The following MAPK14 variants were observed in gnomAD, a reference collection of about 807,000 sequenced individuals.
MAPK14 encodes mitogen-activated protein kinase 14, also known as CSAID-binding protein.
MAPK14 carries 16 observed loss-of-function variants against 49.6 expected under a neutral mutation model. The observed-to-expected ratio is 0.32, with a 90% CI of 0.22 to 0.49. MAPK14 has a LOEUF of 0.49. Among genes scored for constraint, MAPK14 ranks in the 20% least tolerant of loss-of-function variants. The probability of loss-of-function intolerance (pLI) is 0.99; values close to 1 mark genes in which losing one functional copy is unlikely to be tolerated. For missense variants in MAPK14, 200 were observed against 441.2 expected (o/e 0.45, Z 4.90); for synonymous variants, 142 against 158.0 (o/e 0.90, Z 0.76).
Position 36,059,324 on chromosome 6 carries a change from G to A in MAPK14, c.282G>A (p.Arg94=), listed in dbSNP as rs759528748. The A allele has an allele frequency of 2.3e-5, 37 of 1,612,174 alleles. No individual in the cohort carries two copies. Among genetic ancestry groups the A allele is most frequent in the Non-Finnish European group, 2.9e-5 (34 of 1,178,546 alleles). The change falls in exon 3 of 12, where the codon AGG becomes AGA. Residue 94 remains arginine, a synonymous_variant. Coordinates refer to ENST00000229794, the MANE Select transcript of MAPK14 (RefSeq NM_139012.3). ...TGTTGGACGTTTTTACACCTGCAAGGTCTCTGGAGGAATTCAATGATGTGT... is the reference window on the plus strand; with the variant it reads ...TGTTGGACGTTTTTACACCTGCAAGATCTCTGGAGGAATTCAATGATGTGT... The part of the protein sequence containing the change: ...IGLLDVFTPA[R]SLEEFNDVYL...
At chr6:36,058,907 GTC>G (rs1763690531) in intron 2 of MAPK14, among the ~76,000 whole-genome samples, 2 of 146,030 alleles carry the variant, frequency 1.4e-5, no homozygotes, top group East Asian at 4.1e-4. Context: ...TTGAGACAGA[GTC>G]TCACTCTGCA....
chr6:36,122,253 G>A, the MAPK14 span, among the ~76,000 whole-genome samples: 1 of 152,248 alleles, frequency 6.6e-6, no homozygotes. Context: ...CCTCTGCCCT[G>A]GACAGGCAGG....
chr6:36,060,944 C>G (rs573559406), intron 3 of MAPK14, among the ~76,000 whole-genome samples: 47 of 152,226 alleles, frequency 3.1e-4, no homozygotes, highest in Non-Finnish European at 5.1e-4. Context: ...TAGCCAATAA[C>G]TAAGAAAAAT....
chr6:36,032,728 C>T (rs781618032), intron 1 of MAPK14, among the ~76,000 whole-genome samples: 5 of 152,228 alleles, frequency 3.3e-5, no homozygotes, highest in East Asian at 3.8e-4. Context: ...AATCCATTCT[C>T]TCCTGGAACT....
At position 36,108,604 on chromosome 6, in the gene MAPK14, ATGTG is replaced by A. The variant is rs1299721771; in HGVS notation, c.*163_*166del. Reference sequence around the variant, plus strand: ...TGTGCGTGCGTGTTAGTGTGTGTGCATGTGTGTGTCTGTCTTTGTGGGAGGGTAA... The same window carrying A: ...TGTGCGTGCGTGTTAGTGTGTGTGCATGTGTCTGTCTTTGTGGGAGGGTAA... On this transcript the variant is annotated 3_prime_UTR_variant, in exon 12 of 12. Coordinates refer to ENST00000229794, the MANE Select transcript of MAPK14 (RefSeq NM_139012.3). 1.5e-6 allele frequency: 1 copy of A among 648,464 alleles called. No individual in the cohort carries two copies. The highest frequency in any genetic ancestry group is 1.8e-5 in the African/African-American group (1 of 55,486). 40.2% of individuals were successfully genotyped at this position (648,464 alleles called of 1,614,324 possible). A position where few individuals can be genotyped will look rare whatever the true frequency, so the allele number is the denominator to read the frequency against.
chr6:36,105,100 A>T (rs1369343454), intron 10 of MAPK14, among the ~76,000 whole-genome samples: 1 of 152,228 alleles, frequency 6.6e-6, no homozygotes, highest in Non-Finnish European at 1.5e-5. Context: ...CGTGCCCAGC[A>T]TATTAACTGA....
In MAPK14 at chr6:36,028,064, C is replaced by T. The variant is rs1762376954; in HGVS notation, c.-94C>T. 2.6e-6 allele frequency: 2 copies of T among 768,072 alleles called. No homozygotes were observed. Among genetic ancestry groups the T allele is most frequent in the Non-Finnish European group, 4.1e-6 (2 of 483,782 alleles). The allele number at this position is 768,072 out of a possible 1,614,324, so 47.6% of individuals were successfully genotyped here. A position where few individuals can be genotyped will look rare whatever the true frequency, so the allele number is the denominator to read the frequency against. ...CGGGCGACCAGCGCAAGGTCCCCGCCCGGCTGGGCGGGCAGCAAGGGCCGG... is the reference window on the plus strand; with the variant it reads ...CGGGCGACCAGCGCAAGGTCCCCGCTCGGCTGGGCGGGCAGCAAGGGCCGG... On this transcript the variant is annotated 5_prime_UTR_variant, in exon 1 of 12. Transcript: ENST00000229794. The surrounding 1 kb of genome is among the most constrained non-coding windows in gnomAD (Gnocchi z 5.1).
At chr6:36,124,002 G>A in the MAPK14 span, among the ~76,000 whole-genome samples, 967 of 151,972 alleles carry the variant, frequency 6.4e-3, 11 homozygotes, top group African/African-American at 0.021. Context: ...CCCCACCCCC[G>A]TCTTCCACCA....
At chr6:36,065,509 TGTGTG>T (rs1402352965) in intron 3 of MAPK14, among the ~76,000 whole-genome samples, 1 of 121,156 alleles carries the variant, frequency 8.3e-6, no homozygotes, top group Non-Finnish European at 1.7e-5. Flanking sequence ...GCAGAAAAGG[TGTGTG>T]TGTGTGTGTG....
At chr6:36,029,358 A>G (rs1241272373) in intron 1 of MAPK14, among the ~76,000 whole-genome samples, 1 of 152,202 alleles carries the variant, frequency 6.6e-6, no homozygotes, top group Non-Finnish European at 1.5e-5. Context: ...GTGTGTTTTA[A>G]ATTAAGTCGA....
chr6:36,105,232 A>G (rs1009321531), intron 10 of MAPK14, among the ~76,000 whole-genome samples: 1 of 152,040 alleles, frequency 6.6e-6, no homozygotes, highest in Non-Finnish European at 1.5e-5. Flanking sequence ...TAGTGTATGT[A>G]TTTATCTGTC....
At chr6:36,071,874 C>A (rs779246926) in intron 3 of MAPK14, among the ~76,000 whole-genome samples, 5 of 151,972 alleles carry the variant, frequency 3.3e-5, no homozygotes, top group Non-Finnish European at 5.9e-5. Flanking sequence ...TTTCTTTTCT[C>A]TTTTATTTTT....
chr6:36,031,794 C>G (rs948311407), intron 1 of MAPK14, among the ~76,000 whole-genome samples: 11 of 152,184 alleles, frequency 7.2e-5, no homozygotes, highest in South Asian at 2.1e-4. Flanking sequence ...GGACTCAAGT[C>G]TGATAAGAAA....
chr6:36,107,921 C>T lies in MAPK14; in HGVS notation c.1015+293C>T, dbSNP rs1447724138. Among the ~76,000 whole-genome samples the T allele has an allele frequency of 6.6e-6, 1 of 152,154 alleles. No individual in the cohort carries two copies. The highest frequency in any genetic ancestry group is 2.4e-5 in the African/African-American group (1 of 41,426). ...ATCTCTCTGAGCTTTTACAGTTTTA[C>T]AATTAGTAGAACTGGGGCAAAGAGA... On this transcript the variant is annotated intron_variant, in intron 11 of 11. Coordinates refer to ENST00000229794, the MANE Select transcript of MAPK14 (RefSeq NM_139012.3). The surrounding 1 kb of genome is among the most constrained non-coding windows in gnomAD (Gnocchi z 4.3).
At chr6:36,076,502 T>C (rs958007590) in intron 7 of MAPK14, 35 bp from the exon 8 acceptor site, 1 of 1,462,484 alleles carries the variant, frequency 6.8e-7, no homozygotes, top group Admixed American at 1.7e-5. Context: ...AACAGTGACA[T>C]TGCATATACT....
At chr6:36,092,794 G>T in intron 8 of MAPK14, 1 of 239,160 alleles carries the variant, frequency 4.2e-6, no homozygotes, top group Non-Finnish European at 8.3e-6. Flanking sequence ...CACCTCCCGA[G>T]GTGATGAAAG....
chr6:36,120,020 A>G, the MAPK14 span, among the ~76,000 whole-genome samples: 17 of 152,240 alleles, frequency 1.1e-4, no homozygotes, highest in Non-Finnish European at 1.9e-4. Flanking sequence ...AGAGAGGGGC[A>G]TGAAAGGGCT....
In MAPK14 at chr6:36,028,092, A is replaced by C; in HGVS notation, c.-66A>C. 1 of 1,064,890 alleles carries C rather than the reference A, an allele frequency of 9.4e-7. No homozygotes were observed. The highest frequency in any genetic ancestry group is 1.4e-6 in the Non-Finnish European group (1 of 699,698). The allele number at this position is 1,064,890 out of a possible 1,614,324, so 66.0% of individuals were successfully genotyped here. On this transcript the variant is annotated 5_prime_UTR_variant, in exon 1 of 12. Transcript: ENST00000229794. The surrounding 1 kb of genome is among the most constrained non-coding windows in gnomAD (Gnocchi z 5.1). Reference sequence around the variant, plus strand: ...GCTGGGCGGGCAGCAAGGGCCGGGGAGAGGGTGCGGGTGCAGGCGGGGGCC... The same window carrying C: ...GCTGGGCGGGCAGCAAGGGCCGGGGCGAGGGTGCGGGTGCAGGCGGGGGCC...
intron 1 of MAPK14, among the ~76,000 whole-genome samples, chr6:36,046,366 T>G (rs1162412278): frequency 1.2e-4 from 19 of 152,226 alleles, no homozygotes; most frequent in Non-Finnish European, 1.5e-5. Context: ...ATAATTTCAT[T>G]TTATGATGTT....
Sources: gnomAD v4.1 joint callset for allele counts (sites outside exome capture counted in the v4.1 genomes callset) on GRCh38, gnomAD v4.1.1 for gene constraint, Gnocchi (gnomAD v3.1) non-coding constraint, MANE v1.5 for transcripts, NCBI Gene and HGNC (gene_info 2026-07-23, HGNC 2026-07-21) for gene names.